HOMER1: variants seen among roughly 807,000 people sequenced by gnomAD.
The protein encoded by HOMER1 is homer scaffold protein 1, also known as homer protein homolog 1.
A neutral mutation model predicts 48.9 loss-of-function variants in HOMER1; 3 were observed. That is an observed-to-expected ratio of 0.06 (90% CI 0.03 to 0.16). HOMER1 has a LOEUF of 0.16. Ranked by LOEUF, HOMER1 falls within the 10% of genes least tolerant of loss-of-function variation. The probability of loss-of-function intolerance (pLI) is 1.00; values close to 1 mark genes in which losing one functional copy is unlikely to be tolerated. For synonymous variants in HOMER1, 134 were observed against 146.4 expected (o/e 0.92, Z 0.61); for missense variants, 247 against 411.4 (o/e 0.60, Z 3.46).
chr5:79,510,591 G>A (rs1020727099), intron 1 of HOMER1: 11 of 816,742 alleles, frequency 1.3e-5, no homozygotes, highest in Non-Finnish European at 2.3e-5. Context: ...AACAAGAAGG[G>A]CCTAAAGAAG....
At chr5:79,413,681 T>A (rs1240571461) in intron 5 of HOMER1, among the ~76,000 whole-genome samples, 2 of 140,522 alleles carry the variant, frequency 1.4e-5, no homozygotes, top group Admixed American at 7.1e-5. Context: ...AATGAATGAA[T>A]AAATTTTAAC....
chr5:79,465,243 G>A (rs867266975), intron 1 of HOMER1, among the ~76,000 whole-genome samples: 2 of 152,024 alleles, frequency 1.3e-5, no homozygotes, highest in Admixed American at 6.6e-5. Flanking sequence ...GATGAGGCAG[G>A]AGGATCATTT....
chr5:79,427,724 TCC>T (rs1561359730), intron 5 of HOMER1, among the ~76,000 whole-genome samples: 1 of 123,438 alleles, frequency 8.1e-6, no homozygotes, highest in Non-Finnish European at 1.6e-5. Flanking sequence ...TTCCCTTCCT[TCC>T]TTCCCTTCCT....
At chr5:79,388,363 C>T (rs1749168742) in intron 8 of HOMER1, among the ~76,000 whole-genome samples, 1 of 152,138 alleles carries the variant, frequency 6.6e-6, no homozygotes, top group Non-Finnish European at 1.5e-5. Flanking sequence ...TGTTTTTGAA[C>T]TAACAATTTA....
intron 1 of HOMER1, among the ~76,000 whole-genome samples, chr5:79,466,300 G>C (rs1427828732): frequency 2.0e-5 from 3 of 151,946 alleles, no homozygotes; most frequent in Admixed American, 2.0e-4. Context: ...CAGATTGCCT[G>C]AGCCCAGGAG....
In HOMER1 at chr5:79,512,896, G is replaced by A. The variant is rs545610159; in HGVS notation, c.-122C>T. On this transcript the variant is annotated 5_prime_UTR_variant, in exon 1 of 9. Transcript: ENST00000334082. Reference sequence around the variant, plus strand: ...CACCCCCACCCCCAGATCCTTGTCCGGAGGTATTTCAAGGATGCTGCCAAT... The same window carrying A: ...CACCCCCACCCCCAGATCCTTGTCCAGAGGTATTTCAAGGATGCTGCCAAT... The A allele has an allele frequency of 6.9e-6, 6 of 871,908 alleles. No individual in the cohort carries two copies. The highest frequency in any genetic ancestry group is 1.7e-5 in the African/African-American group (1 of 59,362). The allele number at this position is 871,908 out of a possible 1,614,324, so 54.0% of individuals were successfully genotyped here.
At chr5:79,507,373 T>G (rs976626387) in intron 1 of HOMER1, among the ~76,000 whole-genome samples, 1 of 152,162 alleles carries the variant, frequency 6.6e-6, no homozygotes, top group Admixed American at 6.5e-5. Context: ...ATGTAGATTC[T>G]TTTGAAATGA....
chr5:79,434,962 A>T (rs1342505674), intron 5 of HOMER1, among the ~76,000 whole-genome samples: 1 of 152,180 alleles, frequency 6.6e-6, no homozygotes, highest in Non-Finnish European at 1.5e-5. Context: ...AGTATTTGTG[A>T]ATTTGCTTTA....
At chr5:79,407,032 C>A (rs554470397) in intron 5 of HOMER1, among the ~76,000 whole-genome samples, 5 of 152,038 alleles carry the variant, frequency 3.3e-5, no homozygotes, top group East Asian at 1.9e-4. Context: ...TGCACACACA[C>A]AAAAAAAGAC....
chr5:79,456,963 T>C lies in HOMER1; in HGVS notation c.61A>G (p.Lys21Glu). Reference protein sequence around the residue: ...AHVFQIDPNTKKNWVPTSKHA... With the variant: ...AHVFQIDPNTEKNWVPTSKHA... ...TTGCTGGTGGGTACCCAGTTCTTCT[T>C]TGTGTTTGGGTCAATTTGGAAGACA... Residue 21 changes from lysine (K) to glutamate (E), a missense_variant, in exon 2 of 9, where the codon AAG (lysine) becomes GAG (glutamate). Transcript: ENST00000334082. 6.2e-7 allele frequency: 1 copy of C among 1,613,990 alleles called. No individual in the cohort carries two copies. The highest frequency in any genetic ancestry group is 1.1e-5 in the South Asian group (1 of 91,080).
chr5:79,404,444 C>T (rs1251157239), intron 5 of HOMER1, among the ~76,000 whole-genome samples: 1 of 152,140 alleles, frequency 6.6e-6, no homozygotes, highest in Non-Finnish European at 1.5e-5. Flanking sequence ...CACTTTGGTT[C>T]TCAGTTCTTT....
At chr5:79,449,951 T>C (rs1251151887) in intron 3 of HOMER1, among the ~76,000 whole-genome samples, 1 of 151,242 alleles carries the variant, frequency 6.6e-6, no homozygotes, top group Non-Finnish European at 1.5e-5. Flanking sequence ...ATTCAATATA[T>C]ATTCATAAAA....
At chr5:79,477,254 T>C (rs2112335387) in intron 1 of HOMER1, among the ~76,000 whole-genome samples, 1 of 152,374 alleles carries the variant, frequency 6.6e-6, no homozygotes, top group South Asian at 2.1e-4. Flanking sequence ...CGTTAAGAAT[T>C]AGTTATAATC....
At chr5:79,411,754 T>A (rs1749819477) in intron 5 of HOMER1, among the ~76,000 whole-genome samples, 1 of 152,194 alleles carries the variant, frequency 6.6e-6, no homozygotes, top group Admixed American at 6.5e-5. Flanking sequence ...ACGCCTTGCA[T>A]GTACTTTTTA....
intron 8 of HOMER1, among the ~76,000 whole-genome samples, chr5:79,385,857 A>G (rs1327897749): frequency 6.6e-6 from 1 of 151,222 alleles, no homozygotes; most frequent in East Asian, 1.9e-4. Flanking sequence ...AAAAAAAAAA[A>G]AAAAAAAAAA....
At chr5:79,451,238 C>T in intron 2 of HOMER1, 117 bp from the exon 3 acceptor site, 1 of 944,502 alleles carries the variant, frequency 1.1e-6, no homozygotes, top group African/African-American at 1.6e-5. Context: ...ACGTTAAATA[C>T]ATAAAGATAG....
intron 1 of HOMER1, among the ~76,000 whole-genome samples, chr5:79,467,641 T>C (rs1160129163): frequency 2.0e-5 from 3 of 152,212 alleles, no homozygotes; most frequent in East Asian, 3.8e-4. Flanking sequence ...AAAGTGGATA[T>C]GTGTATAGTA....
intron 1 of HOMER1, among the ~76,000 whole-genome samples, chr5:79,502,886 G>A (rs1752635693): frequency 6.6e-6 from 1 of 152,152 alleles, no homozygotes; most frequent in African/African-American, 2.4e-5. Context: ...CGCCTCCAGG[G>A]TTCACGCCAT....
intron 1 of HOMER1, among the ~76,000 whole-genome samples, chr5:79,491,438 CA>C (rs56778843): frequency 2.0e-3 from 114 of 57,698 alleles, no homozygotes; most frequent in Middle Eastern, 0.012. Flanking sequence ...GACCTTGTCT[CA>C]AAAAAAAAAA....
Sources: allele counts gnomAD v4.1 joint callset (sites outside exome capture counted in the v4.1 genomes callset), GRCh38; gene constraint gnomAD v4.1.1; transcripts MANE v1.5; gene names NCBI Gene and HGNC (gene_info 2026-07-23, HGNC 2026-07-21).